Variants in RALGPS1 observed in about 807,000 individuals in gnomAD.
RALGPS1 encodes Ral GEF with PH domain and SH3 binding motif 1.
RALGPS1 carries 19 observed loss-of-function variants against 78.8 expected under a neutral mutation model. The observed-to-expected ratio is 0.24, with a 90% CI of 0.17 to 0.35. The LOEUF (loss-of-function observed/expected upper bound fraction) is 0.35, where lower values mean the gene tolerates loss of function less well. Among genes scored for constraint, RALGPS1 ranks in the 10% least tolerant of loss-of-function variants. RALGPS1 has a pLI of 1.00. For missense variants in RALGPS1, 454 were observed against 688.3 expected (o/e 0.66, Z 3.81); for synonymous variants, 228 against 256.3 (o/e 0.89, Z 1.06).
intron 8 of RALGPS1, among the ~76,000 whole-genome samples, chr9:127,123,584 A>G (rs1306806970): frequency 1.3e-5 from 2 of 152,256 alleles, no homozygotes; most frequent in Non-Finnish European, 1.5e-5. Flanking sequence ...TGTTTTCATC[A>G]AAATGTGACC....
intron 11 of RALGPS1, among the ~76,000 whole-genome samples, chr9:127,194,809 T>C (rs2061266087): frequency 6.6e-6 from 1 of 152,220 alleles, no homozygotes; most frequent in South Asian, 2.1e-4. Flanking sequence ...ACTATCCCCA[T>C]GTCCATCCAT....
chr9:126,956,245 A>G lies in RALGPS1; in HGVS notation c.-65-5980A>G, dbSNP rs35394098. On this transcript the variant is annotated intron_variant, in intron 1 of 18. Transcript: ENST00000259351. ...TACTCTGGGTAGGGAAGCTGTTCTC[A>G]GGGCGGGGCTAGGCCAGGCTAACCC... 3.3e-4 allele frequency among the ~76,000 whole-genome samples: 34 copies of G among 104,590 alleles called. No individual in the cohort carries two copies. The East Asian group carries it at 0.018, about 55-fold the overall frequency. The allele number at this position is 104,590 out of a possible 152,430, so 68.6% of individuals were successfully genotyped here. A position where few individuals can be genotyped will look rare whatever the true frequency, so the allele number is the denominator to read the frequency against.
intron 1 of RALGPS1, among the ~76,000 whole-genome samples, chr9:126,915,258 A>G (rs1490218600): frequency 1.0e-5 from 1 of 95,796 alleles, no homozygotes; most frequent in Non-Finnish European, 2.1e-5. Flanking sequence ...ACGGCGGGGA[A>G]GAGGCGCGGG....
At chr9:127,074,203 G>A (rs2050481390) in intron 8 of RALGPS1, among the ~76,000 whole-genome samples, 1 of 152,170 alleles carries the variant, frequency 6.6e-6, no homozygotes, top group Non-Finnish European at 1.5e-5. Flanking sequence ...ATTTTAAGTT[G>A]CCTTGATTTA....
At chr9:127,052,557 G>T (rs1298023189) in intron 6 of RALGPS1, among the ~76,000 whole-genome samples, 1 of 152,212 alleles carries the variant, frequency 6.6e-6, no homozygotes, top group Non-Finnish European at 1.5e-5. Context: ...TGCTGGGACA[G>T]TATTCAGATT....
rs897109879 is a variant in RALGPS1 at position 126,989,966 on chromosome 9, A to G, written c.216+12221A>G. The stretch of plus-strand genomic sequence containing the variant: ...TCCTCCAGGCCACATGACACGTTGC[A>G]GTTCAGGAAAACACTGCCTGTGGGT... On this transcript the variant is annotated intron_variant, in intron 4 of 18. Coordinates refer to ENST00000259351, the MANE Select transcript of RALGPS1 (RefSeq NM_014636.3). The G allele has an allele frequency of 3.9e-6, 6 of 1,550,442 alleles. No individual in the cohort carries two copies. The African/African-American group carries it at 8.2e-5, about 21-fold the overall frequency.
chr9:126,963,751 A>G (rs1173109707), intron 2 of RALGPS1, among the ~76,000 whole-genome samples: 2 of 152,234 alleles, frequency 1.3e-5, no homozygotes, highest in Non-Finnish European at 2.9e-5. Flanking sequence ...GGAATCACAC[A>G]GCTGCCATGT....
Position 127,157,631 on chromosome 9 carries a change from T to A in RALGPS1, c.611-8438T>A, listed in dbSNP as rs150548908. ...TGTAAATTGCCCTTTTTTTCCATTGTGTTTTCTAGCTGATGATTACTGTTA... is the reference window on the plus strand; with the variant it reads ...TGTAAATTGCCCTTTTTTTCCATTGAGTTTTCTAGCTGATGATTACTGTTA... On this transcript the variant is annotated intron_variant, in intron 8 of 18. Transcript: ENST00000259351. Among the ~76,000 whole-genome samples the A allele has an allele frequency of 3.4e-4, 52 of 152,256 alleles. No homozygotes were observed. The East Asian group carries it at 9.0e-3, about 26-fold the overall frequency.
chr9:127,170,781 G>A (rs137883685), intron 10 of RALGPS1, among the ~76,000 whole-genome samples: 15 of 152,312 alleles, frequency 9.8e-5, no homozygotes, highest in African/African-American at 3.6e-4. Context: ...AAGGAGTAAC[G>A]CCTCAGCACC....
At chr9:127,108,863 C>G in intron 8 of RALGPS1, 2 of 1,028,252 alleles carry the variant, frequency 1.9e-6, no homozygotes, top group Non-Finnish European at 2.7e-6. Flanking sequence ...GCCTTCTCGC[C>G]AGGCAGGCAG....
chr9:127,034,634 T>A lies in RALGPS1; in HGVS notation c.300+120T>A, dbSNP rs113318573. The A allele has an allele frequency of 2.0e-5, 16 of 802,738 alleles. No individual in the cohort carries two copies. In the South Asian group the frequency reaches 2.3e-4, roughly 12 times the overall value. The allele number at this position is 802,738 out of a possible 1,614,324, so 49.7% of individuals were successfully genotyped here. ...CCCAGCTGGCCCCAGATCCAGCTTCTCATATGAGTCCCCCACCTTTATCCA... is the reference window on the plus strand; with the variant it reads ...CCCAGCTGGCCCCAGATCCAGCTTCACATATGAGTCCCCCACCTTTATCCA... On this transcript the variant is annotated intron_variant, in intron 5 of 18. Coordinates refer to ENST00000259351, the MANE Select transcript of RALGPS1 (RefSeq NM_014636.3).
intron 11 of RALGPS1, chr9:127,184,406 T>G (rs530022948): frequency 3.6e-6 from 1 of 281,678 alleles, no homozygotes; most frequent in South Asian, 3.4e-5. Flanking sequence ...TCGTGAGAGC[T>G]GCATGTATGA....
At chr9:126,923,966 C>T (rs2035020611) in intron 1 of RALGPS1, among the ~76,000 whole-genome samples, 1 of 152,192 alleles carries the variant, frequency 6.6e-6, no homozygotes, top group Non-Finnish European at 1.5e-5. Flanking sequence ...GACACTTTGG[C>T]AATGAGCATC....
intron 11 of RALGPS1, among the ~76,000 whole-genome samples, chr9:127,175,112 C>T (rs1221300960): frequency 6.6e-6 from 1 of 152,248 alleles, no homozygotes; most frequent in African/African-American, 2.4e-5. Flanking sequence ...CTCTCCAGAC[C>T]CTTAGCGGGG....
At chr9:126,984,270 A>G (rs1283762666) in intron 4 of RALGPS1, among the ~76,000 whole-genome samples, 2 of 152,012 alleles carry the variant, frequency 1.3e-5, no homozygotes, top group Non-Finnish European at 2.9e-5. Flanking sequence ...TGCTTGGCTA[A>G]TTTTTAAAAA....
chr9:126,949,084 C>A (rs898336688), intron 1 of RALGPS1, among the ~76,000 whole-genome samples: 3 of 151,834 alleles, frequency 2.0e-5, no homozygotes, highest in African/African-American at 7.3e-5. Flanking sequence ...TTTGTCCTTG[C>A]GATAGTTTAC....
chr9:126,948,802 C>T (rs556134739), intron 1 of RALGPS1, among the ~76,000 whole-genome samples: 1 of 151,708 alleles, frequency 6.6e-6, no homozygotes, highest in South Asian at 2.1e-4. Flanking sequence ...CGTGCTTGCT[C>T]AATCTCCCAA....
At chr9:127,101,511 C>G (rs2053725702) in intron 8 of RALGPS1, among the ~76,000 whole-genome samples, 2 of 152,200 alleles carry the variant, frequency 1.3e-5, no homozygotes, top group South Asian at 4.1e-4. Flanking sequence ...ATCCTTCACC[C>G]TCCATCCTTC....
At chr9:127,046,927 A>ATAG (rs1162494553) in intron 5 of RALGPS1, among the ~76,000 whole-genome samples, 1 of 152,186 alleles carries the variant, frequency 6.6e-6, no homozygotes, top group Non-Finnish European at 1.5e-5. Flanking sequence ...AAACACCTGA[A>ATAG]TAGTCATGAA....
Sources: allele counts gnomAD v4.1 joint callset (sites outside exome capture counted in the v4.1 genomes callset), GRCh38; gene constraint gnomAD v4.1.1; transcripts MANE v1.5; gene names NCBI Gene and HGNC (gene_info 2026-07-23, HGNC 2026-07-21).